REPS1: variants seen among roughly 807,000 people sequenced by gnomAD.
The protein encoded by REPS1 is ralBP1-associated Eps domain-containing protein 1.
Under a neutral mutation model 100.9 loss-of-function variants are expected in REPS1, and 39 were observed. The ratio of observed to expected loss-of-function variants is 0.39; its 90% CI spans 0.30 to 0.50. The LOEUF (loss-of-function observed/expected upper bound fraction) is 0.50. Ranked by LOEUF, REPS1 falls within the 20% of genes least tolerant of loss-of-function variation. The pLI, the probability that REPS1 is intolerant of heterozygous loss-of-function variation, is 0.86. For synonymous variants in REPS1, 324 were observed against 340.3 expected (o/e 0.95, Z 0.53); for missense variants, 821 against 968.5 (o/e 0.85, Z 2.02).
At chr6:138,914,625 G>T in intron 15 of REPS1, 72 bp downstream of exon 15, 2 of 1,208,304 alleles carry the variant, frequency 1.7e-6, no homozygotes, top group South Asian at 1.2e-5. Context: ...CAAATAATTT[G>T]AGAATAGAAT....
rs1045779635 is a variant in REPS1 at position 138,917,590 on chromosome 6, G to A, written c.1566C>T (p.Asp522=). The change falls in exon 13 of 20, where the codon GAC becomes GAT. Residue 522 remains aspartate (D), a synonymous_variant. Transcript: ENST00000450536. ...GYSSSDSFTS[D]PEQIGSNVTR... ...TTACATTGCTCCCGATCTGTTCTGGGTCAGAAGTAAAAGAGTCTGAACTAC... is the reference window on the plus strand; with the variant it reads ...TTACATTGCTCCCGATCTGTTCTGGATCAGAAGTAAAAGAGTCTGAACTAC... The A allele has an allele frequency of 1.9e-6, 3 of 1,613,586 alleles. No homozygotes were observed. Among genetic ancestry groups the A allele is most frequent in the Non-Finnish European group, 2.5e-6 (3 of 1,179,684 alleles).
chr6:138,929,918 G>C (rs995068754), intron 9 of REPS1, 59 bp downstream of exon 9: 12 of 1,574,466 alleles, frequency 7.6e-6, no homozygotes, highest in East Asian at 4.5e-5. Context: ...TGCCCTCTTT[G>C]GAACATCTTA....
intron 8 of REPS1, 138 bp downstream of exon 8, chr6:138,941,197 T>C: frequency 1.1e-6 from 1 of 932,400 alleles, no homozygotes; most frequent in South Asian, 1.7e-5. Flanking sequence ...CATCCTATTC[T>C]GATGACAAAT....
intron 1 of REPS1, among the ~76,000 whole-genome samples, chr6:138,982,980 C>T (rs1785038524): frequency 6.6e-6 from 1 of 152,154 alleles, no homozygotes; most frequent in Admixed American, 6.5e-5. Context: ...ATACGTAACA[C>T]AAAATCAGAT....
At chr6:138,928,938 A>G (rs1296544393) in intron 9 of REPS1, 1 of 152,220 alleles carries the variant, frequency 6.6e-6, no homozygotes. Flanking sequence ...TGTCTCAGAC[A>G]CAAGTATCCT....
intron 8 of REPS1, among the ~76,000 whole-genome samples, chr6:138,940,494 C>T (rs1782164630): frequency 6.6e-6 from 1 of 152,072 alleles, no homozygotes. Context: ...CGCCTGTAAT[C>T]CCAGCACTTT....
In REPS1 at chr6:138,987,533, T is replaced by C. The variant is rs979273566; in HGVS notation, c.150A>G (p.Leu50=). Residue 50 remains leucine, a synonymous_variant, in exon 1 of 20, where the codon CTA becomes CTG. Transcript: ENST00000450536. ...CGGCCCCGGGACGCGACGTTACCTGTAGGACCACGTCGTTCGGCAGCTGCG... is the reference window on the plus strand; with the variant it reads ...CGGCCCCGGGACGCGACGTTACCTGCAGGACCACGTCGTTCGGCAGCTGCG... ...RAAQLPNDVV[L]QIMELCGATR... The C allele has an allele frequency of 2.0e-5, 31 of 1,549,400 alleles. No homozygotes were observed. The African/African-American group carries it at 3.6e-4, about 18-fold the overall frequency.
chr6:138,904,694 A>C lies in REPS1; in HGVS notation c.*370T>G, dbSNP rs1779523944. The C allele has an allele frequency of 6.3e-6, 1 of 159,220 alleles. No individual in the cohort carries two copies. Among genetic ancestry groups the C allele is most frequent in the Non-Finnish European group, 1.4e-5 (1 of 72,852 alleles). The allele number at this position is 159,220 out of a possible 1,614,324, so 9.9% of individuals were successfully genotyped here. On this transcript the variant is annotated 3_prime_UTR_variant, in exon 20 of 20. Transcript: ENST00000450536. Reference sequence around the variant, plus strand: ...ATAGATGCTTTATGTAAAATATTAAACATAAAAGGACAAACTGACAATTTA... The same window carrying C: ...ATAGATGCTTTATGTAAAATATTAACCATAAAAGGACAAACTGACAATTTA...
intron 14 of REPS1, 118 bp downstream of exon 14, chr6:138,915,740 C>T (rs1348518382): frequency 1.3e-6 from 1 of 771,678 alleles, no homozygotes; most frequent in Admixed American, 2.6e-5. Context: ...AGCAACCACA[C>T]TCGACCAGAT....
intron 19 of REPS1, 182 bp downstream of exon 19, chr6:138,907,313 A>AAAGTGGGGGTGT: frequency 7.5e-6 from 1 of 132,592 alleles, no homozygotes; most frequent in South Asian, 1.9e-4. Context: ...AAAAAAAAAA[A>AAAGTGGGGGTGT]GTGTGTGTGT....
intron 8 of REPS1, among the ~76,000 whole-genome samples, chr6:138,937,195 T>A (rs994421911): frequency 6.6e-6 from 1 of 152,006 alleles, no homozygotes; most frequent in African/African-American, 2.4e-5. Flanking sequence ...CATGATTCAA[T>A]TACCTCCCAC....
intron 4 of REPS1, 108 bp from the exon 5 acceptor site, chr6:138,944,730 G>T: frequency 1.1e-5 from 12 of 1,079,006 alleles, no homozygotes; most frequent in South Asian, 7.0e-5. Context: ...TTCCAAAATG[G>T]AATCTTTTCT....
intron 8 of REPS1, among the ~76,000 whole-genome samples, 186 bp from the exon 9 acceptor site, chr6:138,930,284 T>G (rs1417108045): frequency 2.0e-5 from 3 of 152,168 alleles, no homozygotes; most frequent in Non-Finnish European, 2.9e-5. Context: ...CTACTTATGG[T>G]CTACTCAAAA....
At chr6:138,952,398 T>C (rs2128484347) in intron 1 of REPS1, among the ~76,000 whole-genome samples, 1 of 151,938 alleles carries the variant, frequency 6.6e-6, no homozygotes, top group African/African-American at 2.4e-5. Context: ...GCATTTTTTT[T>C]TCTTTTTTTT....
intron 8 of REPS1, among the ~76,000 whole-genome samples, chr6:138,934,607 T>C (rs1344065846): frequency 2.0e-5 from 3 of 152,218 alleles, no homozygotes; most frequent in African/African-American, 7.2e-5. Flanking sequence ...TATTCTAGCT[T>C]TGTAACCTAC....
chr6:138,939,644 G>T (rs1179893845), intron 8 of REPS1, among the ~76,000 whole-genome samples: 1 of 152,160 alleles, frequency 6.6e-6, no homozygotes, highest in Non-Finnish European at 1.5e-5. Context: ...TCAAAGGCTT[G>T]AAGTCATATA....
At chr6:138,922,809 CT>C (rs1780865968) in intron 10 of REPS1, among the ~76,000 whole-genome samples, 1 of 152,160 alleles carries the variant, frequency 6.6e-6, no homozygotes, top group Admixed American at 6.5e-5. Flanking sequence ...GGATAATGGC[CT>C]TTCAGTTTAA....
At chr6:138,917,711 G>A (rs1035512626) in intron 12 of REPS1, 84 bp from the exon 13 acceptor site, 10 of 1,067,054 alleles carry the variant, frequency 9.4e-6, no homozygotes, top group Admixed American at 3.8e-5. Flanking sequence ...TAAGTGATAT[G>A]CTGTTTCAAG....
chr6:138,917,740 T>A, intron 12 of REPS1, 113 bp from the exon 13 acceptor site: 1 of 780,816 alleles, frequency 1.3e-6, no homozygotes, highest in Non-Finnish European at 2.1e-6. Context: ...AGTCAAAGAT[T>A]GGCTAATAGG....
Sources: allele counts gnomAD v4.1 joint callset (sites outside exome capture counted in the v4.1 genomes callset), GRCh38; gene constraint gnomAD v4.1.1; transcripts MANE v1.5; gene names NCBI Gene and HGNC (gene_info 2026-07-23, HGNC 2026-07-21).